CASZ1: variants seen among roughly 807,000 people sequenced by gnomAD.
CASZ1 encodes zinc finger protein castor homolog 1.
Under a neutral mutation model 135.2 loss-of-function variants are expected in CASZ1, and 28 were observed. The observed-to-expected ratio is 0.21, with a 90% CI of 0.15 to 0.28. The LOEUF (loss-of-function observed/expected upper bound fraction) is 0.28. Among genes scored for constraint, CASZ1 ranks in the 10% least tolerant of loss-of-function variants. The pLI, the probability that CASZ1 is intolerant of heterozygous loss-of-function variation, is 1.00. For synonymous variants in CASZ1, 1,068 were observed against 1,073.4 expected (o/e 0.99, Z 0.10); for missense variants, 2,161 against 2,453.3 (o/e 0.88, Z 2.52).
chr1:10,651,143 C>G (rs568601003), intron 11 of CASZ1, 67 bp from the exon 12 acceptor site: 1 of 1,342,354 alleles, frequency 7.4e-7, no homozygotes. Context: ...AGACAGCCGC[C>G]GTGCCCCCTG....
chr1:10,795,704 G>A (rs1002791769), intron 1 of CASZ1, among the ~76,000 whole-genome samples: 6 of 152,364 alleles, frequency 3.9e-5, no homozygotes, highest in Non-Finnish European at 7.3e-5. Flanking sequence ...CAGCTGGGGA[G>A]GCAGGGGGTG....
intron 2 of CASZ1, among the ~76,000 whole-genome samples, chr1:10,754,134 A>G (rs2387415): frequency 0.28 from 42,021 of 152,024 alleles, 6,159 homozygotes; most frequent in Admixed American, 0.34. Context: ...CTTCACCCAA[A>G]TGTCACCATC....
rs1390265661 is a variant in CASZ1 at position 10,694,680 on chromosome 1, T to G, written c.-23-768A>C. 2.2e-5 allele frequency among the ~76,000 whole-genome samples: 3 copies of G among 138,400 alleles called. No homozygotes were observed. Among genetic ancestry groups the G allele is most frequent in the East Asian group, 2.2e-4 (1 of 4,530 alleles). The allele number at this position is 138,400 out of a possible 152,430, so 90.8% of individuals were successfully genotyped here. A position where few individuals can be genotyped will look rare whatever the true frequency, so the allele number is the denominator to read the frequency against. On this transcript the variant is annotated intron_variant, in intron 3 of 20. Coordinates refer to ENST00000377022, the MANE Select transcript of CASZ1 (RefSeq NM_001079843.3). This position sits in a 1 kb window ranked among gnomAD's most constrained non-coding sequence, Gnocchi z 6.6. Reference sequence around the variant, plus strand: ...CCGGAGTGAATGGGCTCGCGCTCGCTCGCGCCCCCGCCGCGCGCCCCCGCC... The same window carrying G: ...CCGGAGTGAATGGGCTCGCGCTCGCGCGCGCCCCCGCCGCGCGCCCCCGCC...
At chr1:10,791,985 T>C (rs1015046396) in intron 1 of CASZ1, among the ~76,000 whole-genome samples, 1 of 151,984 alleles carries the variant, frequency 6.6e-6, no homozygotes, top group African/African-American at 2.4e-5. Context: ...TGCTCTTTTC[T>C]ACTCGTAAGC....
chr1:10,691,752 G>A (rs576791330), intron 4 of CASZ1, among the ~76,000 whole-genome samples: 9 of 152,354 alleles, frequency 5.9e-5, no homozygotes, highest in Admixed American at 1.3e-4. Context: ...GGATCTCAGC[G>A]TCCTCATCTG....
At chr1:10,652,213 A>C (rs553854534) in intron 11 of CASZ1, 1 of 152,230 alleles carries the variant, frequency 6.6e-6, no homozygotes, top group Non-Finnish European at 1.5e-5. Context: ...GGCCACAGGG[A>C]CCCTCAGTCT....
chr1:10,710,797 C>T (rs1444728974), intron 2 of CASZ1, among the ~76,000 whole-genome samples: 2 of 152,256 alleles, frequency 1.3e-5, no homozygotes, highest in Admixed American at 1.3e-4. Flanking sequence ...TGAGCACACA[C>T]TGTGTGCGTG....
At position 10,720,192 on chromosome 1, in the gene CASZ1, T is replaced by G. The variant is rs560318601; in HGVS notation, c.-76-14648A>C. ...ATAAAATGCACGCGATGATCGTGCCTGTCGCAGGGGGCTGTGGTGAGGGTT... is the reference window on the plus strand; with the variant it reads ...ATAAAATGCACGCGATGATCGTGCCGGTCGCAGGGGGCTGTGGTGAGGGTT... On this transcript the variant is annotated intron_variant, in intron 2 of 20. Coordinates refer to ENST00000377022, the MANE Select transcript of CASZ1 (RefSeq NM_001079843.3). The surrounding 1 kb of genome is among the most constrained non-coding windows in gnomAD (Gnocchi z 5.7). 6.6e-5 allele frequency among the ~76,000 whole-genome samples: 10 copies of G among 152,350 alleles called. No individual in the cohort carries two copies. The highest frequency in any genetic ancestry group is 2.4e-4 in the African/African-American group (10 of 41,580).
chr1:10,653,171 C>A, intron 11 of CASZ1: 1 of 642,812 alleles, frequency 1.6e-6, no homozygotes, highest in Non-Finnish European at 2.8e-6. Flanking sequence ...AGCATGGCCC[C>A]CCTACTGTGG....
intron 4 of CASZ1, among the ~76,000 whole-genome samples, chr1:10,691,581 C>T (rs1029149502): frequency 2.6e-5 from 4 of 152,220 alleles, no homozygotes; most frequent in East Asian, 1.9e-4. Context: ...AAGCTGCCCA[C>T]GCTGCCCCAG....
chr1:10,771,872 C>T (rs1012859436), intron 1 of CASZ1, among the ~76,000 whole-genome samples: 1 of 152,222 alleles, frequency 6.6e-6, no homozygotes, highest in East Asian at 1.9e-4. Flanking sequence ...AGGATGCTGA[C>T]TGAGGACCCG....
chr1:10,727,586 A>G lies in CASZ1; in HGVS notation c.-76-22042T>C, dbSNP rs1639620773. 6.6e-6 allele frequency among the ~76,000 whole-genome samples: 1 copy of G among 152,002 alleles called. No individual in the cohort carries two copies. Among genetic ancestry groups the G allele is most frequent in the African/African-American group, 2.4e-5 (1 of 41,392 alleles). ...CATAGCCCCCAAGCCAGGTTCCTAG[A>G]CTCCAAGAATGAGAAAACCCCTTTC... On this transcript the variant is annotated intron_variant, in intron 2 of 20. Coordinates refer to ENST00000377022, the MANE Select transcript of CASZ1 (RefSeq NM_001079843.3). This position sits in a 1 kb window ranked among gnomAD's most constrained non-coding sequence, Gnocchi z 5.3.
At chr1:10,765,653 G>A (rs902631304) in intron 1 of CASZ1, among the ~76,000 whole-genome samples, 1 of 152,060 alleles carries the variant, frequency 6.6e-6, no homozygotes, top group Non-Finnish European at 1.5e-5. Flanking sequence ...GGCCTCATTG[G>A]ACCTGAACCT....
intron 4 of CASZ1, among the ~76,000 whole-genome samples, chr1:10,686,686 T>G (rs866579646): frequency 6.6e-6 from 1 of 152,176 alleles, no homozygotes; most frequent in East Asian, 1.9e-4. Context: ...GCTTCTCCCC[T>G]TAATGGGGCC....
rs1642769051 is a variant in CASZ1, at chr1:10,655,810, A to T, written c.1504T>A (p.Phe502Ile). 1 of 1,613,236 alleles carries T rather than the reference A, an allele frequency of 6.2e-7. No homozygotes were observed. Among genetic ancestry groups the T allele is most frequent in the Admixed American group, 1.7e-5 (1 of 60,000 alleles). Residue 502 changes from phenylalanine to isoleucine, a missense_variant, in exon 9 of 21, where the codon TTC (phenylalanine) becomes ATC (isoleucine). Physicochemically the swap from Phe to Ile is conservative, Grantham distance 21. Transcript: ENST00000377022. ...CGGATCACGTCCTGCTTACTCGTGA[A>T]CCTCTGCCAGGAGACAGCGCCACGT... ...CLDPECNYQR[F>I]TSKQDVIRHY...
intron 10 of CASZ1, 84 bp from the exon 11 acceptor site, chr1:10,654,302 CG>C: frequency 6.3e-7 from 1 of 1,578,658 alleles, no homozygotes; most frequent in Non-Finnish European, 8.6e-7. Flanking sequence ...GACAGTCCCC[CG>C]GGTGGAAAAC....
chr1:10,682,524 A>G (rs1380966318), intron 4 of CASZ1, among the ~76,000 whole-genome samples: 1 of 152,162 alleles, frequency 6.6e-6, no homozygotes, highest in East Asian at 1.9e-4. Flanking sequence ...AGCGAGGTCT[A>G]TTAAAAACCT....
intron 2 of CASZ1, among the ~76,000 whole-genome samples, chr1:10,743,471 CG>C (rs368400795): frequency 6.6e-6 from 1 of 151,566 alleles, no homozygotes; most frequent in Non-Finnish European, 1.5e-5. Flanking sequence ...AAGTGTACCC[CG>C]GCATCCTCCA....
chr1:10,687,396 C>T (rs1366871193), intron 4 of CASZ1, among the ~76,000 whole-genome samples: 3 of 152,234 alleles, frequency 2.0e-5, no homozygotes, highest in African/African-American at 4.8e-5. Context: ...GATTACAGCA[C>T]CAGCAGGGCC....
Sources: gnomAD v4.1 joint callset for allele counts (sites outside exome capture counted in the v4.1 genomes callset) on GRCh38, gnomAD v4.1.1 for gene constraint, Gnocchi (gnomAD v3.1) non-coding constraint, MANE v1.5 for transcripts, NCBI Gene and HGNC (gene_info 2026-07-23, HGNC 2026-07-21) for gene names.